EXT2: variants seen among roughly 807,000 people sequenced by gnomAD.
The protein encoded by EXT2 is exostosin-2.
EXT2 carries 53 observed loss-of-function variants against 81.6 expected under a neutral mutation model. That is an observed-to-expected ratio of 0.65 (90% CI 0.52 to 0.82). EXT2 has a LOEUF of 0.82. EXT2 is among the 40% of genes least tolerant of loss of function. The pLI, the probability that EXT2 is intolerant of heterozygous loss-of-function variation, is 0.00. For synonymous variants in EXT2, 320 were observed against 340.0 expected (o/e 0.94, Z 0.65); for missense variants, 774 against 910.2 (o/e 0.85, Z 1.93).
At chr11:44,162,516 C>T (rs1413698786) in intron 7 of EXT2, among the ~76,000 whole-genome samples, 1 of 142,732 alleles carries the variant, frequency 7.0e-6, no homozygotes, top group Non-Finnish European at 1.5e-5. Context: ...GCTGAGGTTG[C>T]AGTGAGCCGA....
chr11:44,174,438 A>C (rs1473780729), intron 8 of EXT2, among the ~76,000 whole-genome samples: 1 of 151,584 alleles, frequency 6.6e-6, no homozygotes, highest in African/African-American at 2.4e-5. Context: ...TTGTGTACAT[A>C]TATATATTCC....
At chr11:44,145,630 T>C (rs1954706509) in intron 7 of EXT2, among the ~76,000 whole-genome samples, 1 of 152,190 alleles carries the variant, frequency 6.6e-6, no homozygotes, top group Non-Finnish European at 1.5e-5. Context: ...GTAGCTATTA[T>C]TCTTATTTTT....
chr11:44,096,616 G>T (rs1953902393), intron 1 of EXT2, among the ~76,000 whole-genome samples: 1 of 152,180 alleles, frequency 6.6e-6, no homozygotes, highest in Non-Finnish European at 1.5e-5. Context: ...GGGGCCAGGG[G>T]CATGTTAGTC....
At chr11:44,181,501 C>G (rs531731499) in intron 8 of EXT2, among the ~76,000 whole-genome samples, 1 of 152,104 alleles carries the variant, frequency 6.6e-6, no homozygotes, top group African/African-American at 2.4e-5. Context: ...ACATAGATGA[C>G]GAATGTGCTA....
intron 8 of EXT2, among the ~76,000 whole-genome samples, chr11:44,180,294 G>A (rs1048357021): frequency 4.6e-5 from 7 of 151,774 alleles, no homozygotes; most frequent in African/African-American, 7.3e-5. Context: ...CCATCTTACC[G>A]TTATGACTGT....
rs191280891 is a variant in EXT2 at position 44,227,158 on chromosome 11, T to C, written c.1663-5195T>C. Among the ~76,000 whole-genome samples, 2 of 152,222 alleles carry C rather than the reference T, an allele frequency of 1.3e-5. 1 individual carries two copies. The highest frequency in any genetic ancestry group is 3.9e-4 in the East Asian group (2 of 5,176). On this transcript the variant is annotated intron_variant, in intron 10 of 13. Coordinates refer to ENST00000533608, the MANE Select transcript of EXT2 (RefSeq NM_207122.2). ...CCACCTGTTGTTACACCTTCCCCCT[T>C]CTCCCCCTAGTCTGTTTCCGGAATC...
intron 10 of EXT2, among the ~76,000 whole-genome samples, chr11:44,226,604 G>A (rs972528102): frequency 7.9e-5 from 12 of 152,216 alleles, no homozygotes; most frequent in African/African-American, 2.9e-4. Flanking sequence ...TAAAAGGTGA[G>A]CTTTGTTCCC....
intron 11 of EXT2, among the ~76,000 whole-genome samples, chr11:44,233,860 G>T (rs1955927133): frequency 6.6e-6 from 1 of 151,954 alleles, no homozygotes; most frequent in South Asian, 2.1e-4. Flanking sequence ...CATATATATG[G>T]TAGTTTTAGA....
At chr11:44,201,277 ATTC>A (rs1469690466) in intron 9 of EXT2, among the ~76,000 whole-genome samples, 3 of 152,196 alleles carry the variant, frequency 2.0e-5, no homozygotes, top group Non-Finnish European at 2.9e-5. Context: ...GTCACCCCAT[ATTC>A]TTCTGTTTAG....
intron 4 of EXT2, among the ~76,000 whole-genome samples, chr11:44,120,477 A>T (rs982829143): frequency 6.6e-6 from 1 of 152,154 alleles, no homozygotes; most frequent in Admixed American, 6.5e-5. Flanking sequence ...TTTATATAAG[A>T]ACATCTCCTA....
At chr11:44,157,838 G>A (rs1954876998) in intron 7 of EXT2, among the ~76,000 whole-genome samples, 1 of 152,188 alleles carries the variant, frequency 6.6e-6, no homozygotes, top group South Asian at 2.1e-4. Context: ...GGTCATACCT[G>A]AAGCCAGCAC....
At chr11:44,199,613 G>A (rs138101402) in intron 9 of EXT2, among the ~76,000 whole-genome samples, 1 of 152,252 alleles carries the variant, frequency 6.6e-6, no homozygotes, top group African/African-American at 2.4e-5. Context: ...TGCAAAAGAG[G>A]CTTCTCCTTA....
intron 13 of EXT2, among the ~76,000 whole-genome samples, chr11:44,238,362 TG>T (rs1269794330): frequency 6.6e-6 from 1 of 152,144 alleles, no homozygotes. Context: ...TTAAATTTTT[TG>T]TAGAGACAGA....
At chr11:44,175,936 TA>T (rs1187221231) in intron 8 of EXT2, among the ~76,000 whole-genome samples, 3 of 152,172 alleles carry the variant, frequency 2.0e-5, no homozygotes, top group African/African-American at 7.2e-5. Flanking sequence ...CCCAATGACT[TA>T]TCTAAGATCA....
At chr11:44,224,619 C>T (rs1022386728) in intron 10 of EXT2, among the ~76,000 whole-genome samples, 12 of 152,068 alleles carry the variant, frequency 7.9e-5, no homozygotes, top group Non-Finnish European at 1.2e-4. Flanking sequence ...GATGAAATAA[C>T]GCATTAAATA....
intron 13 of EXT2, among the ~76,000 whole-genome samples, chr11:44,243,279 A>G (rs1307729485): frequency 6.6e-6 from 1 of 152,002 alleles, no homozygotes; most frequent in African/African-American, 2.4e-5. Flanking sequence ...CAGCTGTCAC[A>G]CTCAGTTGGC....
At chr11:44,231,112 G>A (rs1955893457) in intron 10 of EXT2, among the ~76,000 whole-genome samples, 1 of 152,196 alleles carries the variant, frequency 6.6e-6, no homozygotes, top group South Asian at 2.1e-4. Context: ...CTGTGCAAAT[G>A]ATGCTTTGGA....
intron 8 of EXT2, among the ~76,000 whole-genome samples, chr11:44,177,495 A>C (rs1955175126): frequency 6.6e-6 from 1 of 152,166 alleles, no homozygotes; most frequent in South Asian, 2.1e-4. Context: ...GCCAGATGTG[A>C]ACATATGTAG....
rs546775769 is a variant in EXT2, at chr11:44,246,084, G to T, written c.*1797G>T. Among the ~76,000 whole-genome samples the T allele has an allele frequency of 6.6e-6, 1 of 152,184 alleles. No homozygotes were observed. Among genetic ancestry groups the T allele is most frequent in the Non-Finnish European group, 1.5e-5 (1 of 68,026 alleles). On this transcript the variant is annotated 3_prime_UTR_variant, in exon 14 of 14. Transcript: ENST00000533608. Reference sequence around the variant, plus strand: ...CTCATGTATTCATAATATTGGGGACGATATGGTAGAAAGCCAGGAAAAATA... The same window carrying T: ...CTCATGTATTCATAATATTGGGGACTATATGGTAGAAAGCCAGGAAAAATA...
Sources: allele counts gnomAD v4.1 joint callset (sites outside exome capture counted in the v4.1 genomes callset), GRCh38; gene constraint gnomAD v4.1.1; transcripts MANE v1.5; gene names NCBI Gene and HGNC (gene_info 2026-07-23, HGNC 2026-07-21).